Variants in SYNPR observed in about 807,000 individuals in gnomAD.
SYNPR encodes the protein synaptoporin.
Under a neutral mutation model 32.9 loss-of-function variants are expected in SYNPR, and 23 were observed. The ratio of observed to expected loss-of-function variants is 0.70; its 90% CI spans 0.50 to 0.99. The LOEUF (loss-of-function observed/expected upper bound fraction) is 0.99, where lower values mean the gene tolerates loss of function less well. Ranked by LOEUF, SYNPR falls within the 50% of genes least tolerant of loss-of-function variation. The probability of loss-of-function intolerance (pLI) is 0.00; values close to 1 mark genes in which losing one functional copy is unlikely to be tolerated. For synonymous variants in SYNPR, 146 were observed against 135.9 expected, an observed-to-expected ratio of 1.07 and a Z score of -0.52; for missense variants, 318 against 349.3, an observed-to-expected ratio of 0.91 and a Z score of 0.71.
intron 2 of SYNPR, among the ~76,000 whole-genome samples, chr3:63,457,652 G>T (rs1303155190): frequency 2.6e-5 from 4 of 152,150 alleles, no homozygotes; most frequent in Non-Finnish European, 4.4e-5. Flanking sequence ...CTTAGTGAAA[G>T]ATCAGAAGTC....
At chr3:63,397,520 G>A (rs950802079) in intron 2 of SYNPR, among the ~76,000 whole-genome samples, 3 of 151,856 alleles carry the variant, frequency 2.0e-5, no homozygotes, top group Middle Eastern at 3.2e-3. Flanking sequence ...AGCTTCTAAG[G>A]CACTTTTGAG....
intron 3 of SYNPR, among the ~76,000 whole-genome samples, chr3:63,528,235 T>TTATGCAAC (rs1702051252): frequency 6.6e-6 from 1 of 152,190 alleles, no homozygotes. Context: ...TTAATGACTA[T>TTATGCAAC]TATGCAACCT....
chr3:63,429,424 C>T (rs1699945937), intron 2 of SYNPR, among the ~76,000 whole-genome samples: 1 of 152,130 alleles, frequency 6.6e-6, no homozygotes, highest in Non-Finnish European at 1.5e-5. Context: ...AGCACTTCTG[C>T]TCACTCTGCG....
At chr3:63,435,221 C>T (rs6445345) in intron 2 of SYNPR, among the ~76,000 whole-genome samples, 82,672 of 151,806 alleles carry the variant, frequency 0.54, 23,422 homozygotes, top group African/African-American at 0.72. Flanking sequence ...ATTTACTATC[C>T]AGGCAGACTT....
chr3:63,465,767 G>A (rs1700666917), intron 2 of SYNPR, among the ~76,000 whole-genome samples: 1 of 151,578 alleles, frequency 6.6e-6, no homozygotes, highest in South Asian at 2.1e-4. Flanking sequence ...ACAAAAATTG[G>A]CAATAATTCA....
intron 5 of SYNPR, among the ~76,000 whole-genome samples, chr3:63,610,964 T>C (rs1430821022): frequency 6.6e-6 from 1 of 152,164 alleles, no homozygotes; most frequent in African/African-American, 2.4e-5. Context: ...ACAGGTCCAG[T>C]GGTGCTGTAG....
At chr3:63,225,744 G>A (rs1199336465), upstream of SYNPR, among the ~76,000 whole-genome samples, 4 of 152,104 alleles carry the variant, frequency 2.6e-5, no homozygotes, top group African/African-American at 9.7e-5. Flanking sequence ...ATTGGTCTAG[G>A]CAAAGATTTT....
rs2087424179 is a variant in SYNPR at position 63,345,348 on chromosome 3, G to A, written c.84+66606G>A. Among the ~76,000 whole-genome samples, 4 of 152,222 alleles carry A rather than the reference G, an allele frequency of 2.6e-5. No individual in the cohort carries two copies. In the South Asian group the frequency reaches 8.3e-4, roughly 31 times the overall value. ...CCAGGAATGAGCAAAGGTAGCTTGT[G>A]AGGTTAGAAGCAATATGGAGTCAGC... On this transcript the variant is annotated intron_variant, in intron 2 of 5. Transcript: ENST00000478300.
chr3:63,444,727 G>A (rs1051623109), intron 2 of SYNPR, among the ~76,000 whole-genome samples: 3 of 151,962 alleles, frequency 2.0e-5, no homozygotes, highest in Non-Finnish European at 2.9e-5. Context: ...CCTTTTGGAC[G>A]TGCCACGACT....
intron 2 of SYNPR, among the ~76,000 whole-genome samples, chr3:63,430,759 T>C (rs1245085689): frequency 6.6e-6 from 1 of 152,168 alleles, no homozygotes; most frequent in Non-Finnish European, 1.5e-5. Flanking sequence ...GATTTTTGCT[T>C]AGCTCCATTT....
chr3:63,467,086 C>CTGCA (rs1350235967), intron 2 of SYNPR, among the ~76,000 whole-genome samples: 15 of 152,184 alleles, frequency 9.9e-5, no homozygotes, highest in Non-Finnish European at 2.1e-4. Context: ...TCACAGCTCA[C>CTGCA]TGCAGCCTTA....
At position 63,329,448 on chromosome 3, in the gene SYNPR, C is replaced by T. The variant is rs142855566; in HGVS notation, c.84+50706C>T. Among the ~76,000 whole-genome samples, 494 of 152,278 alleles carry T rather than the reference C, an allele frequency of 3.2e-3. 1 individual carries two copies. The highest frequency in any genetic ancestry group is 0.011 in the African/African-American group (464 of 41,562). On this transcript the variant is annotated intron_variant, in intron 2 of 5. Transcript: ENST00000478300. ...TTAACCAACCTGCAATGCAAACCCT[C>T]ACCCAAGACATCACAACACAGCAAT...
intron 2 of SYNPR, among the ~76,000 whole-genome samples, chr3:63,321,837 T>C (rs925637310): frequency 6.6e-6 from 1 of 152,060 alleles, no homozygotes; most frequent in Non-Finnish European, 1.5e-5. Flanking sequence ...TCAGGGCCTC[T>C]TTGCACCGTA....
intron 2 of SYNPR, among the ~76,000 whole-genome samples, chr3:63,437,073 C>T (rs74863288): frequency 0.13 from 19,045 of 152,110 alleles, 1,402 homozygotes; most frequent in East Asian, 0.29. Context: ...GATGGGGTTT[C>T]ATCATGTTAG....
chr3:63,515,731 G>A (rs556277274), intron 3 of SYNPR, among the ~76,000 whole-genome samples: 1 of 152,116 alleles, frequency 6.6e-6, no homozygotes, highest in South Asian at 2.1e-4. Context: ...TAGAGAATTT[G>A]GATAATTCAG....
chr3:63,488,465 C>A (rs907573848), intron 3 of SYNPR, among the ~76,000 whole-genome samples: 2 of 152,102 alleles, frequency 1.3e-5, no homozygotes, highest in African/African-American at 4.8e-5. Context: ...AACTCTGCTG[C>A]CTAGTGGATG....
intron 2 of SYNPR, among the ~76,000 whole-genome samples, chr3:63,354,079 T>C (rs1378000034): frequency 6.6e-6 from 1 of 152,142 alleles, no homozygotes; most frequent in Non-Finnish European, 1.5e-5. Context: ...TATGCTTGAG[T>C]TTCCTCACAA....
At chr3:63,600,377 T>A (rs1198447132) in intron 4 of SYNPR, among the ~76,000 whole-genome samples, 3 of 152,154 alleles carry the variant, frequency 2.0e-5, no homozygotes, top group African/African-American at 7.2e-5. Context: ...GCCCTCTGGA[T>A]ACCAGCTGGG....
chr3:63,429,201 C>A (rs561943391), intron 2 of SYNPR, among the ~76,000 whole-genome samples: 2 of 152,138 alleles, frequency 1.3e-5, no homozygotes, highest in South Asian at 4.1e-4. Context: ...GGAGCCAGAG[C>A]AAGCATAAGA....
Sources: gnomAD v4.1 joint callset for allele counts (sites outside exome capture counted in the v4.1 genomes callset) on GRCh38, gnomAD v4.1.1 for gene constraint, MANE v1.5 for transcripts, NCBI Gene and HGNC (gene_info 2026-07-23, HGNC 2026-07-21) for gene names.